Variants in KCNT2 observed in about 807,000 individuals in gnomAD.
The protein encoded by KCNT2 is potassium sodium-activated channel subfamily T member 2, also known as potassium channel subfamily T member 2.
In KCNT2, 67 loss-of-function variants were observed where a neutral mutation model predicts 153.8. The observed-to-expected ratio is 0.44, with a 90% CI of 0.36 to 0.53. The LOEUF (loss-of-function observed/expected upper bound fraction) is 0.53, where lower values mean the gene tolerates loss of function less well. Among genes scored for constraint, KCNT2 ranks in the 20% least tolerant of loss-of-function variants. The probability of loss-of-function intolerance (pLI) is 0.00; values close to 1 mark genes in which losing one functional copy is unlikely to be tolerated. For missense variants in KCNT2, 975 were observed against 1,354.8 expected (o/e 0.72, Z 4.40); for synonymous variants, 500 against 458.8 (o/e 1.09, Z -1.15).
intron 8 of KCNT2, among the ~76,000 whole-genome samples, chr1:196,452,674 T>G (rs1676323733): frequency 6.6e-6 from 1 of 151,424 alleles, no homozygotes; most frequent in Admixed American, 6.6e-5. Flanking sequence ...GAAGGAAGAG[T>G]GTTAGTCTGG....
intron 1 of KCNT2, among the ~76,000 whole-genome samples, chr1:196,603,013 C>T (rs1311497595): frequency 6.6e-6 from 1 of 151,648 alleles, no homozygotes; most frequent in African/African-American, 2.4e-5. Flanking sequence ...GTCTCGATCT[C>T]CTGACCTCAT....
At chr1:196,485,175 C>T (rs1038715009) in intron 3 of KCNT2, among the ~76,000 whole-genome samples, 3 of 151,848 alleles carry the variant, frequency 2.0e-5, no homozygotes, top group Non-Finnish European at 2.9e-5. Context: ...AAGGCATCAT[C>T]CTCAGCAAAC....
intron 1 of KCNT2, among the ~76,000 whole-genome samples, chr1:196,522,046 C>A (rs1314202333): frequency 1.3e-5 from 2 of 152,092 alleles, no homozygotes; most frequent in African/African-American, 4.8e-5. Context: ...TCCAGTAGTA[C>A]TTGTAGTTTT....
rs933877731 is a variant in KCNT2, at chr1:196,476,068, G to A, written c.384+3111C>T. Among the ~76,000 whole-genome samples, 4 of 152,236 alleles carry A rather than the reference G, an allele frequency of 2.6e-5. 1 individual carries two copies. Among genetic ancestry groups the A allele is most frequent in the African/African-American group, 9.6e-5 (4 of 41,560 alleles). On this transcript the variant is annotated intron_variant, in intron 5 of 27. Transcript: ENST00000294725. Reference sequence around the variant, plus strand: ...TAAAAATTATCTTGAATCAATATGTGTTTTTAAATGGCTTTTAAAATTAGT... The same window carrying A: ...TAAAAATTATCTTGAATCAATATGTATTTTTAAATGGCTTTTAAAATTAGT...
At position 196,236,009 on chromosome 1, in the gene KCNT2, G is replaced by T; in HGVS notation, c.3273C>A (p.Thr1091=). Residue 1091 remains threonine, a synonymous_variant, in exon 27 of 28, where the codon ACC becomes ACA. Coordinates refer to ENST00000294725, the MANE Select transcript of KCNT2 (RefSeq NM_198503.5). The part of the protein sequence containing the change: ...SYILINPSPD[T]RIELNDVVYL... ...ACACAACATCATTCAGCTCTATTCT[G>T]GTATCTGGAGATGGGTTAATCAGGA... is the stretch of plus-strand genomic sequence containing the variant. The T allele has an allele frequency of 6.3e-7, 1 of 1,598,320 alleles. No homozygotes were observed. The highest frequency in any genetic ancestry group is 8.6e-7 in the Non-Finnish European group (1 of 1,166,774).
At chr1:196,423,884 A>T (rs1673424464) in intron 11 of KCNT2, among the ~76,000 whole-genome samples, 1 of 151,928 alleles carries the variant, frequency 6.6e-6, no homozygotes, top group South Asian at 2.1e-4. Context: ...TCAACTAAAC[A>T]ATTCAAAACT....
chr1:196,399,869 A>G (rs768669874), intron 12 of KCNT2, among the ~76,000 whole-genome samples: 1 of 151,842 alleles, frequency 6.6e-6, no homozygotes, highest in Non-Finnish European at 1.5e-5. Context: ...TTGCAAGAAG[A>G]CAACAATCTA....
intron 1 of KCNT2, among the ~76,000 whole-genome samples, chr1:196,556,371 C>T (rs1013202755): frequency 6.6e-5 from 10 of 151,262 alleles, no homozygotes; most frequent in Non-Finnish European, 1.3e-4. Context: ...AGAAAACATA[C>T]GAATGGCAAA....
At chr1:196,441,964 G>A (rs577544790) in intron 8 of KCNT2, among the ~76,000 whole-genome samples, 1 of 151,870 alleles carries the variant, frequency 6.6e-6, no homozygotes, top group South Asian at 2.1e-4. Flanking sequence ...GAATAAGAAG[G>A]ATGATTAAAG....
rs899969588 is a variant in KCNT2 at position 196,227,327 on chromosome 1, A to T, written c.*897T>A. 6.6e-6 allele frequency: 1 copy of T among 152,038 alleles called. No individual in the cohort carries two copies. Among genetic ancestry groups the T allele is most frequent in the Non-Finnish European group, 1.5e-5 (1 of 67,924 alleles). The allele number at this position is 152,038 out of a possible 1,614,324, so 9.4% of individuals were successfully genotyped here. A position where few individuals can be genotyped will look rare whatever the true frequency, so the allele number is the denominator to read the frequency against. The stretch of plus-strand genomic sequence containing the variant: ...TTTTCTAGTGAAATTTACTATATAG[A>T]TATATGAATAGGAAAGATGGTAAAG... On this transcript the variant is annotated 3_prime_UTR_variant, in exon 28 of 28. Coordinates refer to ENST00000294725, the MANE Select transcript of KCNT2 (RefSeq NM_198503.5).
chr1:196,387,942 T>TC (rs1457430478), intron 13 of KCNT2, among the ~76,000 whole-genome samples: 17 of 151,626 alleles, frequency 1.1e-4, no homozygotes, highest in African/African-American at 3.6e-4. Flanking sequence ...TTTTTTTTTT[T>TC]TCTCTTATGG....
At chr1:196,378,211 A>G (rs1669138004) in intron 13 of KCNT2, among the ~76,000 whole-genome samples, 1 of 152,154 alleles carries the variant, frequency 6.6e-6, no homozygotes, top group Admixed American at 6.5e-5. Flanking sequence ...AGGACATACT[A>G]TGGACCAATG....
At chr1:196,442,669 T>C (rs1206176366) in intron 8 of KCNT2, among the ~76,000 whole-genome samples, 2 of 151,532 alleles carry the variant, frequency 1.3e-5, no homozygotes, top group Non-Finnish European at 3.0e-5. Flanking sequence ...GAAGGGAGGT[T>C]AGCATGATGG....
intron 25 of KCNT2, among the ~76,000 whole-genome samples, chr1:196,268,562 A>G (rs1657760205): frequency 6.6e-6 from 1 of 152,152 alleles, no homozygotes; most frequent in Admixed American, 6.6e-5. Context: ...GTGAACTGTA[A>G]CAGTGTCTCA....
At chr1:196,461,548 C>A (rs1677153946) in intron 8 of KCNT2, among the ~76,000 whole-genome samples, 1 of 151,644 alleles carries the variant, frequency 6.6e-6, no homozygotes, top group Non-Finnish European at 1.5e-5. Context: ...ATTAGAAACA[C>A]CAAATTCATT....
At chr1:196,442,089 G>A (rs1034803801) in intron 8 of KCNT2, among the ~76,000 whole-genome samples, 1 of 151,730 alleles carries the variant, frequency 6.6e-6, no homozygotes, top group Non-Finnish European at 1.5e-5. Context: ...CCAATTCTAT[G>A]AAACTCCAAC....
chr1:196,429,194 T>C (rs1325163236), intron 9 of KCNT2, among the ~76,000 whole-genome samples: 6 of 152,010 alleles, frequency 3.9e-5, no homozygotes, highest in South Asian at 2.1e-4. Flanking sequence ...TTGCAGTGTA[T>C]GACTTTGTGG....
chr1:196,265,278 GT>G (rs1477638103), intron 25 of KCNT2, among the ~76,000 whole-genome samples: 2 of 152,152 alleles, frequency 1.3e-5, no homozygotes, highest in African/African-American at 2.4e-5. Context: ...TGCTGTTTGA[GT>G]TTTTTTCTGC....
Position 196,459,461 on chromosome 1 carries a change from G to T in KCNT2, c.638+5832C>A, listed in dbSNP as rs969977947. On this transcript the variant is annotated intron_variant, in intron 8 of 27. Coordinates refer to ENST00000294725, the MANE Select transcript of KCNT2 (RefSeq NM_198503.5). ...AGTTAAACATCCTAAACAATAATGG[G>T]AAGAGAAAAACATGATGGCACTTAT... Among the ~76,000 whole-genome samples, 3 of 151,782 alleles carry T rather than the reference G, an allele frequency of 2.0e-5. No individual in the cohort carries two copies. In the Admixed American group the frequency reaches 2.0e-4, roughly 10 times the overall value.
Sources: allele counts gnomAD v4.1 joint callset (sites outside exome capture counted in the v4.1 genomes callset), GRCh38; gene constraint gnomAD v4.1.1; transcripts MANE v1.5; gene names NCBI Gene and HGNC (gene_info 2026-07-23, HGNC 2026-07-21).